The following RANGAP1 variants were observed in gnomAD, a reference collection of about 807,000 sequenced individuals.
The protein encoded by RANGAP1 is Ran GTPase activating protein 1.
In RANGAP1, 38 loss-of-function variants were observed where a neutral mutation model predicts 63.5. That is an observed-to-expected ratio of 0.60 (90% CI 0.46 to 0.78). RANGAP1 has a LOEUF of 0.78. RANGAP1 is among the 30% of genes least tolerant of loss of function. The pLI, the probability that RANGAP1 is intolerant of heterozygous loss-of-function variation, is 0.00. For synonymous variants in RANGAP1, 329 were observed against 310.5 expected (o/e 1.06, Z -0.63); for missense variants, 630 against 740.3 (o/e 0.85, Z 1.73).
the RANGAP1 span, among the ~76,000 whole-genome samples, chr22:41,299,199 C>T: frequency 2.0e-5 from 3 of 152,052 alleles, no homozygotes; most frequent in Middle Eastern, 3.4e-3. Flanking sequence ...GTGGCACGAT[C>T]TCGGCTCACT....
chr22:41,287,998 TA>T (rs2035793269), upstream of RANGAP1, among the ~76,000 whole-genome samples: 1 of 152,034 alleles, frequency 6.6e-6, no homozygotes, highest in African/African-American at 2.4e-5. Context: ...AATAAATAAA[TA>T]AATTAATTAA....
rs1310832727 is a variant in RANGAP1, at chr22:41,246,466, C to G, written c.*137G>C. ...CCCACACACATACTCAGGGGACTGA[C>G]AGGACACATGGGACACAGACCCGCC... On this transcript the variant is annotated 3_prime_UTR_variant, in exon 16 of 16. Coordinates refer to ENST00000356244, the MANE Select transcript of RANGAP1 (RefSeq NM_002883.4). 4.5e-6 allele frequency: 4 copies of G among 881,042 alleles called. No homozygotes were observed. The highest frequency in any genetic ancestry group is 7.0e-6 in the Non-Finnish European group (4 of 572,462). 54.6% of individuals were successfully genotyped at this position (881,042 alleles called of 1,614,324 possible). A position where few individuals can be genotyped will look rare whatever the true frequency, so the allele number is the denominator to read the frequency against.
Position 41,254,452 on chromosome 22 carries a change from T to C in RANGAP1, c.1116A>G (p.Glu372=), listed in dbSNP as rs770221456. 95 of 1,610,072 alleles carry C rather than the reference T, an allele frequency of 5.9e-5. No individual in the cohort carries two copies. The highest frequency in any genetic ancestry group is 7.8e-5 in the Non-Finnish European group (92 of 1,178,806). ...DEEEEEEGEE[E]EEEAEEEEEE... The stretch of plus-strand genomic sequence containing the variant: ...CCTCCTCTTCTTCTGCTTCCTCTTC[T>C]TCCTCTTCTCCTTCCTCCTCCTCCT... The change falls in exon 11 of 16, where the codon GAA becomes GAG. Residue 372 remains glutamate (E), a synonymous_variant. Transcript: ENST00000356244.
intron 12 of RANGAP1, 39 bp from the exon 13 acceptor site, chr22:41,251,148 G>C (rs1156767542): frequency 1.3e-6 from 2 of 1,539,842 alleles, no homozygotes; most frequent in South Asian, 1.1e-5. Flanking sequence ...TGTGGCACGT[G>C]GTGGAGAGGT....
chr22:41,285,003 T>C (rs1475810468), intron 1 of RANGAP1: 5 of 151,348 alleles, frequency 3.3e-5, no homozygotes, highest in Non-Finnish European at 5.9e-5. Flanking sequence ...CACAGAAAAA[T>C]TTAAAAATTA....
the RANGAP1 span, among the ~76,000 whole-genome samples, chr22:41,293,233 CAAA>C: frequency 1.1e-4 from 10 of 94,844 alleles, no homozygotes; most frequent in Admixed American, 2.3e-4. Context: ...AGACTCCTCT[CAAA>C]AAAAAAAAAA....
intron 3 of RANGAP1, among the ~76,000 whole-genome samples, chr22:41,271,009 C>G (rs1165979016): frequency 1.3e-5 from 2 of 152,304 alleles, no homozygotes; most frequent in South Asian, 4.1e-4. Flanking sequence ...CTCCAGCCAT[C>G]ACTCCCCCTC....
chr22:41,296,415 G>A, the RANGAP1 span, among the ~76,000 whole-genome samples: 1 of 152,154 alleles, frequency 6.6e-6, no homozygotes, highest in African/African-American at 2.4e-5. Flanking sequence ...GGGAGGCCGA[G>A]GTGAGTGGAT....
rs1338155789 is a variant in RANGAP1 at position 41,281,107 on chromosome 22, G to GA, written c.-38-26dup. The GA allele has an allele frequency of 4.0e-6, 6 of 1,517,494 alleles. No homozygotes were observed. In the African/African-American group the frequency reaches 8.3e-5, roughly 21 times the overall value. 94.0% of individuals were successfully genotyped at this position (1,517,494 alleles called of 1,614,324 possible). On this transcript the variant is annotated intron_variant, in intron 1 of 15. Coordinates refer to ENST00000356244, the MANE Select transcript of RANGAP1 (RefSeq NM_002883.4). The stretch of plus-strand genomic sequence containing the variant: ...ACTGAGGAGGCCAAAGTTGCAGTAA[G>GA]AAAAAGGAGTCTCCTGGGGCCCCTG...
chr22:41,281,430 G>A (rs2035485441), intron 1 of RANGAP1: 1 of 1,005,550 alleles, frequency 9.9e-7, no homozygotes, highest in Non-Finnish European at 1.2e-6. Context: ...CAAACCAAAG[G>A]CTGCAGAGTC....
chr22:41,261,089 C>A (rs1250233560), intron 6 of RANGAP1, among the ~76,000 whole-genome samples: 1 of 152,176 alleles, frequency 6.6e-6, no homozygotes, highest in Non-Finnish European at 1.5e-5. Flanking sequence ...CTCTGTGCCC[C>A]ACACCAGTGG....
intron 6 of RANGAP1, among the ~76,000 whole-genome samples, chr22:41,258,976 C>G (rs1211726818): frequency 1.3e-5 from 2 of 152,114 alleles, no homozygotes; most frequent in African/African-American, 4.8e-5. Flanking sequence ...TCTTGACAGG[C>G]TAACTCATAT....
intron 3 of RANGAP1, among the ~76,000 whole-genome samples, chr22:41,268,769 C>T (rs1430165163): frequency 6.6e-6 from 1 of 152,030 alleles, no homozygotes; most frequent in African/African-American, 2.4e-5. Flanking sequence ...ACACAGAATT[C>T]TACGTTGAGG....
At chr22:41,256,641 C>T (rs1459075718) in intron 8 of RANGAP1, 70 bp downstream of exon 8, 7 of 1,380,418 alleles carry the variant, frequency 5.1e-6, no homozygotes, top group East Asian at 4.7e-5. Flanking sequence ...TCAGACCAGA[C>T]CCCTGTGCCC....
chr22:41,261,658 C>T (rs1251164672), intron 5 of RANGAP1, 78 bp from the exon 6 acceptor site: 2 of 1,578,232 alleles, frequency 1.3e-6, no homozygotes, highest in African/African-American at 2.7e-5. Flanking sequence ...TGCTGAACTG[C>T]TCTTCAACAT....
chr22:41,259,122 GC>G (rs1321359571), intron 6 of RANGAP1, among the ~76,000 whole-genome samples: 2 of 151,774 alleles, frequency 1.3e-5, no homozygotes, highest in African/African-American at 4.8e-5. Context: ...TCCTCATCCT[GC>G]CTACATTCAA....
Position 41,271,404 on chromosome 22 carries a change from A to C in RANGAP1, c.240+3196T>G, listed in dbSNP as rs1315455288. On this transcript the variant is annotated intron_variant, in intron 3 of 15. Transcript: ENST00000356244. ...CTGTCTCTAAAAAAAAACAAAAAAA[A>C]AAAACAAAAACGCCGGGTGCAGAGG... Among the ~76,000 whole-genome samples, 25 of 150,424 alleles carry C rather than the reference A, an allele frequency of 1.7e-4. 1 individual carries two copies. Among genetic ancestry groups the C allele is most frequent in the Non-Finnish European group, 3.0e-4 (20 of 67,518 alleles).
intron 11 of RANGAP1, 75 bp downstream of exon 11, chr22:41,254,233 C>T: frequency 6.5e-7 from 1 of 1,546,422 alleles, no homozygotes; most frequent in South Asian, 1.1e-5. Context: ...CACCCCCTAC[C>T]CCATTGTGAA....
At position 41,256,037 on chromosome 22, in the gene RANGAP1, C is replaced by T; in HGVS notation, c.1057G>A (p.Val353Met). ...EVLEGFNMAK[V>M]LASLSDDEDE... ...GTTCCCTACCTGAGGGACGCCAGCA[C>T]CTTGGCCATGTTGAAGCCCTCCAGC... The change falls in exon 10 of 16, where the codon GTG (valine) becomes ATG (methionine). Residue 353 changes from valine (V) to methionine (M), a missense_variant. Val to Met is a conservative substitution (Grantham distance 21, BLOSUM62 1). Transcript: ENST00000356244. The T allele has an allele frequency of 6.2e-7, 1 of 1,613,856 alleles. No individual in the cohort carries two copies. Among genetic ancestry groups the T allele is most frequent in the Non-Finnish European group, 8.5e-7 (1 of 1,180,036 alleles).
Sources: gnomAD v4.1 joint callset for allele counts (sites outside exome capture counted in the v4.1 genomes callset) on GRCh38, gnomAD v4.1.1 for gene constraint, MANE v1.5 for transcripts, NCBI Gene and HGNC (gene_info 2026-07-23, HGNC 2026-07-21) for gene names.